GOLGB1: variants seen among roughly 807,000 people sequenced by gnomAD.
The protein encoded by GOLGB1 is golgin subfamily B member 1.
A neutral mutation model predicts 336.9 loss-of-function variants in GOLGB1; 174 were observed. The ratio of observed to expected loss-of-function variants is 0.52; its 90% CI spans 0.46 to 0.59. GOLGB1 has a LOEUF of 0.59. Ranked by LOEUF, GOLGB1 falls within the 20% of genes least tolerant of loss-of-function variation. The pLI is 0.00. For synonymous variants in GOLGB1, 1,208 were observed against 1,289.2 expected, an observed-to-expected ratio of 0.94 and a Z score of 1.35; for missense variants, 3,331 against 3,645.3, an observed-to-expected ratio of 0.91 and a Z score of 2.22.
chr3:121,668,156 C>T lies in GOLGB1; in HGVS notation c.9324G>A (p.Gly3108=). The T allele has an allele frequency of 6.4e-7, 1 of 1,562,074 alleles. No individual in the cohort carries two copies. Among genetic ancestry groups the T allele is most frequent in the Non-Finnish European group, 8.8e-7 (1 of 1,140,348 alleles). The change falls in exon 19 of 22, where the codon GGG becomes GGA. Residue 3108 remains glycine (G), a splice_region_variant and synonymous_variant. Coordinates refer to ENST00000614479, the MANE Select transcript of GOLGB1 (RefSeq NM_001366282.2). ...LEKQVQELQA[G]PLNIDVAPGA... is the part of the protein sequence containing the mutation. ...CTGGAGCAACATCTATATTTAGTGG[C>T]CCCTGGAAGAAGAATAAGCTTAGTA...
intron 6 of GOLGB1, 43 bp from the exon 7 acceptor site, chr3:121,719,811 G>A (rs1307295837): frequency 3.3e-6 from 5 of 1,517,796 alleles, no homozygotes; most frequent in South Asian, 1.3e-5. Context: ...TACACTCCCC[G>A]AATATTGCAC....
In GOLGB1 at chr3:121,696,717, T is replaced by C. The variant is rs751839992; in HGVS notation, c.3806A>G (p.Glu1269Gly). ...TTCTGTGGCTTTGAATAAAGGTTCT[T>C]CTAAACCTGGAGTGGAAGAACACGA... ...QESCSSTPGL[E>G]EPLFKATEQH... The change falls in exon 13 of 22, where the codon GAA becomes GGA. Residue 1269 changes from glutamate to glycine, a missense_variant. Physicochemically the swap from Glu to Gly is moderately conservative, Grantham distance 98. Transcript: ENST00000614479. 2 of 1,614,120 alleles carry C rather than the reference T, an allele frequency of 1.2e-6. No homozygotes were observed. The highest frequency in any genetic ancestry group is 1.1e-5 in the South Asian group (1 of 91,088).
chr3:121,683,277 C>T (rs1321113840), intron 14 of GOLGB1, among the ~76,000 whole-genome samples: 1 of 151,878 alleles, frequency 6.6e-6, no homozygotes, highest in Non-Finnish European at 1.5e-5. Flanking sequence ...TAATTTTATT[C>T]TCTGGACAGG....
rs773702601 is a variant in GOLGB1, at chr3:121,693,936, G to C, written c.6587C>G (p.Thr2196Ser). 20 of 1,613,778 alleles carry C rather than the reference G, an allele frequency of 1.2e-5. No homozygotes were observed. In the Admixed American group the frequency reaches 2.0e-4, roughly 16 times the overall value. Residue 2196 changes from threonine to serine, a missense_variant, in exon 13 of 22, where the codon ACT becomes AGT. Physicochemically the swap from Thr to Ser is moderately conservative, Grantham distance 58. Transcript: ENST00000614479. The stretch of plus-strand genomic sequence containing the variant: ...ATCCTGGAGGGAAGACATGCTCTTA[G>C]TAAAGGCTGCAAGCTGGGTCACAGT... ...DSTVTQLAAF[T>S]KSMSSLQDDR... is the part of the protein sequence containing the mutation.
At position 121,691,401 on chromosome 3, in the gene GOLGB1, A is replaced by G. The variant is rs1342135471; in HGVS notation, c.7963T>C (p.Ser2655Pro). Residue 2655 changes from serine (S) to proline (P), a missense_variant, in exon 14 of 22, where the codon TCC (serine) becomes CCC (proline). Transcript: ENST00000614479. ...EVHRLSALFS[S>P]SQKRIAELEE... ...AGTTCTGCAATTCTCTTTTGAGAGG[A>G]GGAAAACAAAGCACTTAACCTGTGT... The G allele has an allele frequency of 6.2e-7, 1 of 1,613,736 alleles. No individual in the cohort carries two copies. The highest frequency in any genetic ancestry group is 8.5e-7 in the Non-Finnish European group (1 of 1,179,962).
At chr3:121,669,671 G>A (rs1265588666) in intron 17 of GOLGB1, among the ~76,000 whole-genome samples, 1 of 151,930 alleles carries the variant, frequency 6.6e-6, no homozygotes, top group African/African-American at 2.4e-5. Flanking sequence ...GGCTATTCTG[G>A]GTACATAAGA....
chr3:121,749,408 G>A (rs1217808161), intron 1 of GOLGB1, among the ~76,000 whole-genome samples: 1 of 152,176 alleles, frequency 6.6e-6, no homozygotes, highest in Non-Finnish European at 1.5e-5. Context: ...TGCGCAGGGT[G>A]ACCCCGAAGG....
intron 3 of GOLGB1, among the ~76,000 whole-genome samples, chr3:121,729,601 G>GACC (rs1945930693): frequency 6.6e-6 from 1 of 151,730 alleles, no homozygotes; most frequent in African/African-American, 2.4e-5. Context: ...TTTTTTTGTG[G>GACC]AGACAGGGTC....
At chr3:121,699,967 T>A in intron 11 of GOLGB1, 82 bp from the exon 12 acceptor site, 1 of 780,822 alleles carries the variant, frequency 1.3e-6, no homozygotes, top group Admixed American at 2.8e-5. Context: ...GCTATTTGAA[T>A]TGTATGAAAT....
chr3:121,667,595 C>G lies in GOLGB1; in HGVS notation c.9435G>C (p.Gln3145His). ...REPQQSFSEA[Q>H]QQLCNTRQEV... is the part of the protein sequence containing the mutation. ...CCTGTCTGGTGTTGCATAGCTGCTG[C>G]TGAGCTTCAGAAAAGCTTTAGGATG... is the stretch of plus-strand genomic sequence containing the variant. The change falls in exon 20 of 22, where the codon CAG becomes CAC. Residue 3145 changes from glutamine (Q) to histidine (H), a missense_variant. Transcript: ENST00000614479. 6.2e-7 allele frequency: 1 copy of G among 1,613,844 alleles called. No homozygotes were observed. Among genetic ancestry groups the G allele is most frequent in the Non-Finnish European group, 8.5e-7 (1 of 1,179,842 alleles).
chr3:121,719,731 G>T lies in GOLGB1; in HGVS notation c.686C>A (p.Ala229Asp), dbSNP rs867225843. Residue 229 changes from alanine (A) to aspartate (D), a missense_variant, in exon 7 of 22, where the codon GCC becomes GAC. Ala to Asp is a moderately radical substitution (Grantham distance 126). Transcript: ENST00000614479. ...SMQQVVREKD[A>D]RFETQVRLHE... ...AAGACGAACTTGTGTTTCAAAGCGGGCATCTTTCTCTCGGACCACCTGCTG... is the reference window on the plus strand; with the variant it reads ...AAGACGAACTTGTGTTTCAAAGCGGTCATCTTTCTCTCGGACCACCTGCTG... 6.2e-7 allele frequency: 1 copy of T among 1,608,206 alleles called. No individual in the cohort carries two copies. Among genetic ancestry groups the T allele is most frequent in the East Asian group, 2.3e-5 (1 of 44,306 alleles).
At chr3:121,740,567 T>A (rs1051437584) in intron 1 of GOLGB1, among the ~76,000 whole-genome samples, 1 of 152,210 alleles carries the variant, frequency 6.6e-6, no homozygotes, top group African/African-American at 2.4e-5. Flanking sequence ...CATGTTAATC[T>A]TAGGGAATAC....
Position 121,691,024 on chromosome 3 carries a change from TC to T in GOLGB1, c.8339del (p.Gly2780AspfsTer3). On this transcript the variant is annotated frameshift_variant, in exon 14 of 22. Transcript: ENST00000614479. LOFTEE classifies it high-confidence loss of function. ...LKELAQLKEQ[G>X]LLNRERDALL... is the part of the protein sequence containing the mutation. ...GAGCATCTCTCTCTCTGTTTAAGAGTCCCTGTTCTTTCAACTGTGCCAATTC... is the reference window on the plus strand; with the variant it reads ...GAGCATCTCTCTCTCTGTTTAAGAGTCCTGTTCTTTCAACTGTGCCAATTC... The T allele has an allele frequency of 1.2e-6, 2 of 1,613,790 alleles. No individual in the cohort carries two copies. Among genetic ancestry groups the T allele is most frequent in the Non-Finnish European group, 1.7e-6 (2 of 1,179,754 alleles).
chr3:121,678,550 C>G (rs1031407047), intron 15 of GOLGB1, among the ~76,000 whole-genome samples: 15 of 151,610 alleles, frequency 9.9e-5, no homozygotes, highest in Non-Finnish European at 2.1e-4. Flanking sequence ...CTTTTAATAT[C>G]AAATCTTGAA....
At chr3:121,716,678 T>G in intron 9 of GOLGB1, 59 bp downstream of exon 9, 1 of 1,332,106 alleles carries the variant, frequency 7.5e-7, no homozygotes, top group Non-Finnish European at 1.0e-6. Flanking sequence ...CCTGAAAATA[T>G]GAAATACAAG....
intron 10 of GOLGB1, among the ~76,000 whole-genome samples, chr3:121,704,923 T>TATA (rs1262639010): frequency 2.0e-5 from 3 of 152,058 alleles, no homozygotes; most frequent in Non-Finnish European, 4.4e-5. Context: ...CAGACAGACC[T>TATA]ATACTATAAT....
In GOLGB1 at chr3:121,718,387, C is replaced by A; in HGVS notation, c.885+1G>T. The A allele has an allele frequency of 5.7e-6, 9 of 1,592,548 alleles. No homozygotes were observed. The South Asian group carries it at 9.9e-5, about 18-fold the overall frequency. The stretch of plus-strand genomic sequence containing the variant: ...AGGAAGTAAAGATTAAAAGGCAGTA[C>A]CTGGTTTCTCTGCTCAGCAGCAGTC... On this transcript the variant is annotated splice_donor_variant, in intron 8 of 21. Coordinates refer to ENST00000614479, the MANE Select transcript of GOLGB1 (RefSeq NM_001366282.2). LOFTEE classifies it high-confidence loss of function.
At chr3:121,715,764 G>A (rs569289474) in intron 9 of GOLGB1, among the ~76,000 whole-genome samples, 4 of 151,962 alleles carry the variant, frequency 2.6e-5, no homozygotes, top group Admixed American at 6.5e-5. Flanking sequence ...ATGCCGAGGC[G>A]GGCAGATCAC....
rs573124555 is a variant in GOLGB1 at position 121,689,058 on chromosome 3, G to A, written c.8694+1612C>T. Among the ~76,000 whole-genome samples, 6 of 149,998 alleles carry A rather than the reference G, an allele frequency of 4.0e-5. No individual in the cohort carries two copies. The East Asian group carries it at 1.2e-3, about 31-fold the overall frequency. Reference sequence around the variant, plus strand: ...CCCAGCCAGCCGCCCCGTCCGGGAGGGAGGTGGGGGGGTCAGCCCCCCGCC... The same window carrying A: ...CCCAGCCAGCCGCCCCGTCCGGGAGAGAGGTGGGGGGGTCAGCCCCCCGCC... On this transcript the variant is annotated intron_variant, in intron 14 of 21. Coordinates refer to ENST00000614479, the MANE Select transcript of GOLGB1 (RefSeq NM_001366282.2).
Sources: allele counts gnomAD v4.1 joint callset (sites outside exome capture counted in the v4.1 genomes callset), GRCh38; gene constraint gnomAD v4.1.1; transcripts MANE v1.5; gene names NCBI Gene and HGNC (gene_info 2026-07-23, HGNC 2026-07-21).